CTNND2: variants seen among roughly 807,000 people sequenced by gnomAD.
CTNND2 encodes catenin delta-2.
Under a neutral mutation model 144.4 loss-of-function variants are expected in CTNND2, and 22 were observed. The ratio of observed to expected loss-of-function variants is 0.15; its 90% CI spans 0.11 to 0.22. The LOEUF (loss-of-function observed/expected upper bound fraction) is 0.22. Ranked by LOEUF, CTNND2 falls within the 10% of genes least tolerant of loss-of-function variation. The pLI is 1.00. For synonymous variants in CTNND2, 751 were observed against 695.6 expected, an observed-to-expected ratio of 1.08 and a Z score of -1.25; for missense variants, 1,353 against 1,618.8, an observed-to-expected ratio of 0.84 and a Z score of 2.82.
At chr5:11,180,857 G>A (rs904738524) in intron 11 of CTNND2, among the ~76,000 whole-genome samples, 2 of 152,250 alleles carry the variant, frequency 1.3e-5, no homozygotes, top group African/African-American at 2.4e-5. Context: ...TAGCAGGGAT[G>A]CTGGCTCCCA....
chr5:11,571,724 C>A (rs977312911), intron 2 of CTNND2, among the ~76,000 whole-genome samples: 1 of 152,062 alleles, frequency 6.6e-6, no homozygotes, highest in East Asian at 1.9e-4. Context: ...ATTTAACTCA[C>A]CCCCCTGCTT....
intron 3 of CTNND2, among the ~76,000 whole-genome samples, chr5:11,551,495 G>A (rs1467805188): frequency 3.6e-5 from 5 of 139,138 alleles, no homozygotes; most frequent in Non-Finnish European, 7.5e-5. Context: ...GGAGTGCAGT[G>A]GTGTAATTAT....
chr5:11,402,137 C>T (rs1760698786), intron 5 of CTNND2, among the ~76,000 whole-genome samples: 2 of 152,110 alleles, frequency 1.3e-5, no homozygotes, highest in Admixed American at 1.3e-4. Context: ...ACAACAACAA[C>T]AACAAAACTA....
intron 1 of CTNND2, among the ~76,000 whole-genome samples, chr5:11,779,674 T>C (rs1790440764): frequency 6.6e-6 from 1 of 152,258 alleles, no homozygotes; most frequent in South Asian, 2.1e-4. Flanking sequence ...CGCCACTTGC[T>C]GATGTATAAA....
At chr5:11,319,545 G>C (rs1394805606) in intron 9 of CTNND2, among the ~76,000 whole-genome samples, 2 of 152,060 alleles carry the variant, frequency 1.3e-5, no homozygotes, top group African/African-American at 4.8e-5. Context: ...TTTTGAGACA[G>C]AGTCTCACTC....
intron 10 of CTNND2, among the ~76,000 whole-genome samples, 173 bp downstream of exon 10, chr5:11,236,518 G>GC (rs1741653258): frequency 6.6e-6 from 1 of 152,140 alleles, no homozygotes; most frequent in South Asian, 2.1e-4. Context: ...AAGAATGCAT[G>GC]AACAGGCATG....
intron 16 of CTNND2, among the ~76,000 whole-genome samples, chr5:11,068,329 C>T (rs959260051): frequency 4.6e-5 from 7 of 152,176 alleles, no homozygotes; most frequent in Non-Finnish European, 1.0e-4. Flanking sequence ...TTCCACCGTG[C>T]ATCCAACTTT....
rs557536262 is a variant in CTNND2, at chr5:11,101,887, A to G, written c.2464-3139T>C. Among the ~76,000 whole-genome samples the G allele has an allele frequency of 7.1e-3, 1,038 of 145,278 alleles. 15 individuals carry two copies. The highest frequency in any genetic ancestry group is 0.024 in the African/African-American group (918 of 38,822). ...TATGTTATCTGCATGACGACCACAT[A>G]TGTGTGTGTGTGTGTGTGTGTGTGT... is the stretch of plus-strand genomic sequence containing the variant. On this transcript the variant is annotated intron_variant, in intron 14 of 21. Transcript: ENST00000304623.
At chr5:11,498,259 A>G (rs1015109672) in intron 3 of CTNND2, among the ~76,000 whole-genome samples, 1 of 152,046 alleles carries the variant, frequency 6.6e-6, no homozygotes, top group Non-Finnish European at 1.5e-5. Context: ...ACACATACAC[A>G]TATGCATTTG....
chr5:11,820,460 GC>G (rs1381545272), intron 1 of CTNND2, among the ~76,000 whole-genome samples: 1 of 152,156 alleles, frequency 6.6e-6, no homozygotes, highest in African/African-American at 2.4e-5. Context: ...ATTAACTCCT[GC>G]TCCAAAGTTA....
At chr5:11,821,866 C>G (rs2126942582) in intron 1 of CTNND2, among the ~76,000 whole-genome samples, 1 of 152,244 alleles carries the variant, frequency 6.6e-6, no homozygotes, top group South Asian at 2.1e-4. Flanking sequence ...TAATTTAGTA[C>G]TCCATATACT....
At chr5:11,726,254 TCA>T (rs1279614286) in intron 2 of CTNND2, among the ~76,000 whole-genome samples, 1 of 152,148 alleles carries the variant, frequency 6.6e-6, no homozygotes, top group Non-Finnish European at 1.5e-5. Context: ...ATTAAATAAT[TCA>T]CAGTGAATCT....
At position 11,098,718 on chromosome 5, in the gene CTNND2, C is replaced by A. The variant is rs541351126; in HGVS notation, c.2494G>T (p.Ala832Ser). Residue 832 changes from alanine to serine, a missense_variant, in exon 15 of 22, where the codon GCT becomes TCT. This residue lies in a region of CTNND2 where 459 missense variants were observed against 674.3 expected (regional missense o/e 0.68). Transcript: ENST00000304623. ...ATCTGGATCCCTTTTGGTGGTTCAG[C>A]ACAGTCTGGAAGAGGTCCTACTCCA... ...WDGVGPLPDC[A>S]EPPKGIQMLW... 5.6e-6 allele frequency: 9 copies of A among 1,614,164 alleles called. No individual in the cohort carries two copies. Among genetic ancestry groups the A allele is most frequent in the South Asian group, 1.1e-5 (1 of 91,078 alleles).
At chr5:11,067,015 G>A (rs1421041162) in intron 16 of CTNND2, among the ~76,000 whole-genome samples, 1 of 152,172 alleles carries the variant, frequency 6.6e-6, no homozygotes, top group Non-Finnish European at 1.5e-5. Context: ...GAGTTATTCT[G>A]CACACAACAC....
intron 3 of CTNND2, among the ~76,000 whole-genome samples, chr5:11,524,331 C>CT (rs2150045050): frequency 6.6e-6 from 1 of 152,314 alleles, no homozygotes; most frequent in Non-Finnish European, 1.5e-5. Context: ...CAATCACACA[C>CT]TAAGGCATGA....
intron 17 of CTNND2, among the ~76,000 whole-genome samples, chr5:11,021,159 T>C (rs915777581): frequency 6.6e-6 from 1 of 151,992 alleles, no homozygotes; most frequent in East Asian, 1.9e-4. Flanking sequence ...TCAATAAAAC[T>C]TTTTTTTCTC....
intron 2 of CTNND2, among the ~76,000 whole-genome samples, chr5:11,616,885 C>T (rs1009112078): frequency 6.6e-6 from 1 of 152,132 alleles, no homozygotes; most frequent in Non-Finnish European, 1.5e-5. Flanking sequence ...GGGATTACAG[C>T]CGTGAGCCAC....
At chr5:11,656,481 G>A (rs1005852099) in intron 2 of CTNND2, among the ~76,000 whole-genome samples, 1 of 151,126 alleles carries the variant, frequency 6.6e-6, no homozygotes, top group Non-Finnish European at 1.5e-5. Context: ...TGCCCTCAGT[G>A]TATTAGGTAA....
chr5:11,887,523 T>C (rs1736647483), intron 1 of CTNND2, among the ~76,000 whole-genome samples: 2 of 152,080 alleles, frequency 1.3e-5, no homozygotes, highest in Admixed American at 1.3e-4. Context: ...AAAAAACTTC[T>C]AGTGTTAAAA....
Sources: gnomAD v4.1 joint callset for allele counts (sites outside exome capture counted in the v4.1 genomes callset) on GRCh38, gnomAD v4.1.1 for gene constraint, gnomAD v4.1.1 regional missense constraint, MANE v1.5 for transcripts, NCBI Gene and HGNC (gene_info 2026-07-23, HGNC 2026-07-21) for gene names.